The following CATSPERE variants were observed in gnomAD, a reference collection of about 807,000 sequenced individuals.
CATSPERE encodes the protein cation channel sperm-associated auxiliary subunit epsilon.
Under a neutral mutation model 114.1 loss-of-function variants are expected in CATSPERE, and 93 were observed. The observed-to-expected ratio is 0.81, with a 90% CI of 0.69 to 0.97. CATSPERE has a LOEUF of 0.97. CATSPERE is among the 50% of genes least tolerant of loss of function. The pLI, the probability that CATSPERE is intolerant of heterozygous loss-of-function variation, is 0.00. For missense variants in CATSPERE, 1,058 were observed against 1,131.6 expected, an observed-to-expected ratio of 0.93 and a Z score of 0.93; for synonymous variants, 341 against 384.1, an observed-to-expected ratio of 0.89 and a Z score of 1.31.
intron 8 of CATSPERE, among the ~76,000 whole-genome samples, chr1:244,547,685 T>G (rs1319973390): frequency 6.6e-6 from 1 of 151,936 alleles, no homozygotes; most frequent in African/African-American, 2.4e-5. Context: ...CTGTAATAGA[T>G]TCACAAAAAT....
At chr1:244,612,968 C>T (rs1274316394) in intron 19 of CATSPERE, among the ~76,000 whole-genome samples, 1 of 152,092 alleles carries the variant, frequency 6.6e-6, no homozygotes, top group Admixed American at 6.6e-5. Flanking sequence ...ATCTTTCTGG[C>T]AGTGACACAG....
chr1:244,451,738 C>T, upstream of CATSPERE: 3 of 1,607,200 alleles, frequency 1.9e-6, no homozygotes, highest in Non-Finnish European at 2.5e-6. The surrounding 1 kb of genome is among the most constrained non-coding windows in gnomAD (Gnocchi z 6.6). Flanking sequence ...CACCCGGTTT[C>T]CTCCGGGCCG....
intron 11 of CATSPERE, among the ~76,000 whole-genome samples, chr1:244,574,885 CT>C (rs543959989): frequency 8.3e-4 from 126 of 152,294 alleles, no homozygotes; most frequent in Non-Finnish European, 1.5e-3. Context: ...CCTTTTATAA[CT>C]TTTTTTATGA....
At chr1:244,579,341 T>C (rs1356697231) in intron 11 of CATSPERE, among the ~76,000 whole-genome samples, 1 of 152,234 alleles carries the variant, frequency 6.6e-6, no homozygotes, top group African/African-American at 2.4e-5. Context: ...CTGTAAATGT[T>C]TGTGTAAGTT....
At chr1:244,585,361 G>C (rs1246977584) in intron 13 of CATSPERE, among the ~76,000 whole-genome samples, 1 of 152,152 alleles carries the variant, frequency 6.6e-6, no homozygotes, top group Non-Finnish European at 1.5e-5. Flanking sequence ...GTACCCTGCA[G>C]ACAAGGACAG....
At chr1:244,509,264 CGAGT>C (rs1487173045) in intron 7 of CATSPERE, among the ~76,000 whole-genome samples, 4 of 149,006 alleles carry the variant, frequency 2.7e-5, no homozygotes, top group African/African-American at 1.0e-4. Context: ...CCTAATTTGT[CGAGT>C]TTTTTTTTTT....
intron 20 of CATSPERE, among the ~76,000 whole-genome samples, chr1:244,625,359 GTTTA>G (rs74162778): frequency 0.74 from 71,793 of 96,892 alleles, 27,999 homozygotes; most frequent in East Asian, 0.86. Flanking sequence ...TTTTGGGGGG[GTTTA>G]TTTATTTATT....
intron 7 of CATSPERE, among the ~76,000 whole-genome samples, chr1:244,516,775 G>A (rs1009430205): frequency 6.6e-6 from 1 of 152,034 alleles, no homozygotes; most frequent in Admixed American, 6.5e-5. Context: ...ACCTACGTTG[G>A]CCTCCCGAAG....
intron 12 of CATSPERE, among the ~76,000 whole-genome samples, chr1:244,582,081 C>T (rs1666273123): frequency 6.6e-6 from 1 of 152,066 alleles, no homozygotes; most frequent in African/African-American, 2.4e-5. Context: ...CTCATTCATC[C>T]AAATGAAGAT....
intron 8 of CATSPERE, among the ~76,000 whole-genome samples, chr1:244,540,034 A>G (rs1468112691): frequency 1.3e-5 from 2 of 151,372 alleles, no homozygotes; most frequent in Admixed American, 6.6e-5. Flanking sequence ...ATCTATGACA[A>G]ACTCACAGCC....
chr1:244,492,781 A>G (rs1221834883), intron 6 of CATSPERE, among the ~76,000 whole-genome samples: 1 of 147,974 alleles, frequency 6.8e-6, no homozygotes, highest in Non-Finnish European at 1.5e-5. Context: ...AAAAATCACA[A>G]GCATTCTTAT....
chr1:244,567,888 G>A (rs116138432), intron 10 of CATSPERE, among the ~76,000 whole-genome samples: 99 of 152,114 alleles, frequency 6.5e-4, no homozygotes, highest in African/African-American at 2.2e-3. Flanking sequence ...CCTTGCTCAC[G>A]AGGAGTTGTG....
chr1:244,499,063 C>A lies in CATSPERE; in HGVS notation c.413C>A (p.Ala138Glu). 6.2e-7 allele frequency: 1 copy of A among 1,610,134 alleles called. No individual in the cohort carries two copies. Among genetic ancestry groups the A allele is most frequent in the Non-Finnish European group, 8.5e-7 (1 of 1,176,660 alleles). ...GATCCTGATGAGTTGCTGGGGAATG[C>A]AGAAGAACCTTCAATAGTAGGTGGA... ...SADPDELLGN[A>E]EEPSINSIVL... is the part of the protein sequence containing the mutation. Residue 138 changes from alanine (A) to glutamate (E), a missense_variant, in exon 7 of 22, where the codon GCA becomes GAA. By Grantham distance (107) the Ala-to-Glu change is moderately radical. Coordinates refer to ENST00000366534, the MANE Select transcript of CATSPERE (RefSeq NM_001130957.2).
chr1:244,512,228 G>C (rs190637903), intron 7 of CATSPERE, among the ~76,000 whole-genome samples: 4 of 152,222 alleles, frequency 2.6e-5, no homozygotes, highest in Admixed American at 2.6e-4. Context: ...CTTTCTTCAT[G>C]CTTTCTTATT....
intron 13 of CATSPERE, among the ~76,000 whole-genome samples, chr1:244,584,839 G>A (rs780746330): frequency 6.6e-6 from 1 of 152,120 alleles, no homozygotes; most frequent in Non-Finnish European, 1.5e-5. Flanking sequence ...CTTGAGCACT[G>A]CAGACACACG....
intron 7 of CATSPERE, among the ~76,000 whole-genome samples, chr1:244,516,289 G>A (rs1676604642): frequency 1.3e-5 from 2 of 152,010 alleles, no homozygotes; most frequent in Admixed American, 6.6e-5. Flanking sequence ...AACATAAATT[G>A]GTATAATTCT....
At chr1:244,491,036 C>T (rs1307696302) in intron 6 of CATSPERE, among the ~76,000 whole-genome samples, 7 of 151,984 alleles carry the variant, frequency 4.6e-5, no homozygotes, top group East Asian at 3.9e-4. Context: ...GACAGATCAA[C>T]GAGACAGAAA....
chr1:244,547,117 A>G (rs548366513), intron 8 of CATSPERE, among the ~76,000 whole-genome samples: 1 of 152,334 alleles, frequency 6.6e-6, no homozygotes, highest in Non-Finnish European at 1.5e-5. Context: ...GGGAGTTCCA[A>G]TACACCTAGC....
At chr1:244,556,500 A>T (rs1394600903) in intron 9 of CATSPERE, among the ~76,000 whole-genome samples, 1 of 152,146 alleles carries the variant, frequency 6.6e-6, no homozygotes, top group Non-Finnish European at 1.5e-5. Flanking sequence ...AGACCAAATT[A>T]TACATTTTTA....
Sources: allele counts gnomAD v4.1 joint callset (sites outside exome capture counted in the v4.1 genomes callset), GRCh38; gene constraint gnomAD v4.1.1; non-coding constraint Gnocchi (gnomAD v3.1); transcripts MANE v1.5; gene names NCBI Gene and HGNC (gene_info 2026-07-23, HGNC 2026-07-21).